GRIK4: variants seen among roughly 807,000 people sequenced by gnomAD.
GRIK4 encodes the protein glutamate ionotropic receptor kainate type subunit 4, also known as glutamate receptor ionotropic, kainate 4.
GRIK4 carries 40 observed loss-of-function variants against 104.9 expected under a neutral mutation model. The ratio of observed to expected loss-of-function variants is 0.38; its 90% CI spans 0.30 to 0.50. The LOEUF (loss-of-function observed/expected upper bound fraction) is 0.50. Among genes scored for constraint, GRIK4 ranks in the 20% least tolerant of loss-of-function variants. The pLI is 0.93. For synonymous variants in GRIK4, 485 were observed against 524.9 expected (o/e 0.92, Z 1.04); for missense variants, 1,047 against 1,308.1 (o/e 0.80, Z 3.08).
At chr11:120,659,112 C>T (rs547275715) in intron 2 of GRIK4, among the ~76,000 whole-genome samples, 6 of 152,156 alleles carry the variant, frequency 3.9e-5, no homozygotes, top group African/African-American at 7.2e-5. Context: ...GCTCATCAGC[C>T]GCACCCTCAC....
At chr11:120,658,654 T>G (rs1257922173) in intron 2 of GRIK4, among the ~76,000 whole-genome samples, 2 of 151,964 alleles carry the variant, frequency 1.3e-5, no homozygotes, top group Non-Finnish European at 2.9e-5. Context: ...GGATATCTTC[T>G]TTAGTAAAGT....
chr11:120,739,820 G>T (rs906322948), intron 3 of GRIK4, among the ~76,000 whole-genome samples: 1 of 152,156 alleles, frequency 6.6e-6, no homozygotes, highest in Non-Finnish European at 1.5e-5. Context: ...ACGCTGATCT[G>T]GTACAATCAC....
intron 13 of GRIK4, among the ~76,000 whole-genome samples, chr11:120,929,473 G>A (rs1390393693): frequency 1.3e-5 from 2 of 152,086 alleles, no homozygotes; most frequent in African/African-American, 4.8e-5. Context: ...GGAGAAAGCC[G>A]CCCGCAGGTA....
chr11:120,982,317 A>G (rs186433018), intron 20 of GRIK4, 93 bp downstream of exon 20: 8 of 752,914 alleles, frequency 1.1e-5, no homozygotes, highest in Admixed American at 1.9e-5. Context: ...GACGCTTACC[A>G]CAGGAAGTGC....
At chr11:120,755,912 C>T (rs1241099887) in intron 3 of GRIK4, among the ~76,000 whole-genome samples, 1 of 152,126 alleles carries the variant, frequency 6.6e-6, no homozygotes, top group African/African-American at 2.4e-5. Context: ...GATGAGGAAA[C>T]TGTAACTTGG....
intron 3 of GRIK4, among the ~76,000 whole-genome samples, chr11:120,786,521 T>G (rs1952279357): frequency 6.6e-6 from 1 of 152,148 alleles, no homozygotes; most frequent in South Asian, 2.1e-4. Flanking sequence ...CACTCATTTG[T>G]CCCCAGTCCT....
At chr11:120,838,241 G>C (rs1953626062) in intron 8 of GRIK4, among the ~76,000 whole-genome samples, 1 of 152,184 alleles carries the variant, frequency 6.6e-6, no homozygotes, top group Non-Finnish European at 1.5e-5. Context: ...CTCACTGTGA[G>C]CCTTTGGTTG....
chr11:120,648,695 A>AG (rs1949575142), intron 1 of GRIK4, among the ~76,000 whole-genome samples: 2 of 150,374 alleles, frequency 1.3e-5, no homozygotes, highest in South Asian at 2.1e-4. Flanking sequence ...CACTCTGCAG[A>AG]GGGGGGATGC....
Position 120,982,244 on chromosome 11 carries a change from T to G in GRIK4, c.2514+20T>G. 7.7e-7 allele frequency: 1 copy of G among 1,292,870 alleles called. No individual in the cohort carries two copies. Among genetic ancestry groups the G allele is most frequent in the Non-Finnish European group, 1.1e-6 (1 of 886,440 alleles). The allele number at this position is 1,292,870 out of a possible 1,614,324, so 80.1% of individuals were successfully genotyped here. A position where few individuals can be genotyped will look rare whatever the true frequency, so the allele number is the denominator to read the frequency against. On this transcript the variant is annotated intron_variant, in intron 20 of 20. Transcript: ENST00000527524. ...ACTGAGGTAAACTTTCAAAGGGGTA[T>G]GATCGATCGTGTTGGCAGATGGGGT...
chr11:120,571,442 A>C (rs1467879925), intron 1 of GRIK4, among the ~76,000 whole-genome samples: 1 of 152,134 alleles, frequency 6.6e-6, no homozygotes, highest in African/African-American at 2.4e-5. Context: ...TGCTTAGGTT[A>C]GTCCCTCATC....
At chr11:120,794,880 C>A (rs993716843) in intron 3 of GRIK4, among the ~76,000 whole-genome samples, 4 of 152,020 alleles carry the variant, frequency 2.6e-5, no homozygotes, top group South Asian at 4.1e-4. Context: ...GCGGCGGGAG[C>A]GGCCTGCACA....
chr11:120,741,230 C>T (rs1435393260), intron 3 of GRIK4, among the ~76,000 whole-genome samples: 1 of 151,530 alleles, frequency 6.6e-6, no homozygotes, highest in Admixed American at 6.6e-5. Context: ...AGAAACTGGC[C>T]TCAGTTTACA....
At chr11:120,741,911 CAT>C (rs1951340315) in intron 3 of GRIK4, among the ~76,000 whole-genome samples, 2 of 152,086 alleles carry the variant, frequency 1.3e-5, no homozygotes, top group Admixed American at 1.3e-4. Context: ...TAAGAGGAGA[CAT>C]AGATCTGTGA....
chr11:120,598,079 C>G (rs1041680677), intron 1 of GRIK4, among the ~76,000 whole-genome samples: 1 of 152,180 alleles, frequency 6.6e-6, no homozygotes, highest in Non-Finnish European at 1.5e-5. Context: ...TCCTGCGCTC[C>G]CTTGGCCTCG....
intron 6 of GRIK4, among the ~76,000 whole-genome samples, chr11:120,824,354 T>TG (rs1555072801): frequency 1.3e-5 from 2 of 152,080 alleles, no homozygotes; most frequent in Non-Finnish European, 2.9e-5. Flanking sequence ...AGTTGGCTAC[T>TG]GGGGGGCTTC....
At chr11:120,890,148 G>C (rs970124727) in intron 11 of GRIK4, among the ~76,000 whole-genome samples, 1 of 152,114 alleles carries the variant, frequency 6.6e-6, no homozygotes, top group Admixed American at 6.5e-5. Context: ...ATGTTCCCAT[G>C]GCTTATTGTG....
At chr11:120,873,372 C>G (rs77074593) in intron 9 of GRIK4, 5,253 of 152,448 alleles carry the variant, frequency 0.034, 247 homozygotes, top group African/African-American at 0.11. Flanking sequence ...GATTGCCCAA[C>G]CAGATGTTTC....
chr11:120,673,219 C>T (rs1200157553), intron 3 of GRIK4, among the ~76,000 whole-genome samples: 3 of 152,142 alleles, frequency 2.0e-5, no homozygotes, highest in Non-Finnish European at 4.4e-5. Context: ...CTGCTGTTTC[C>T]CCAGCACTTA....
At chr11:120,518,787 T>C (rs1717616805) in intron 1 of GRIK4, among the ~76,000 whole-genome samples, 2 of 151,970 alleles carry the variant, frequency 1.3e-5, no homozygotes, top group South Asian at 4.2e-4. Flanking sequence ...CCCGGCTAAT[T>C]TTTTTGTATT....
Sources: allele counts gnomAD v4.1 joint callset (sites outside exome capture counted in the v4.1 genomes callset), GRCh38; gene constraint gnomAD v4.1.1; transcripts MANE v1.5; gene names NCBI Gene and HGNC (gene_info 2026-07-23, HGNC 2026-07-21).